Variants in LYST observed in about 807,000 individuals in gnomAD.
The protein encoded by LYST is lysosomal-trafficking regulator.
LYST carries 192 observed loss-of-function variants against 413.6 expected under a neutral mutation model. The observed-to-expected ratio is 0.46, with a 90% CI of 0.41 to 0.52. LYST has a LOEUF of 0.52. Among genes scored for constraint, LYST ranks in the 20% least tolerant of loss-of-function variants. LYST has a pLI of 0.00. For missense variants in LYST, 3,815 were observed against 4,499.9 expected, an observed-to-expected ratio of 0.85 and a Z score of 4.35; for synonymous variants, 1,525 against 1,567.3, an observed-to-expected ratio of 0.97 and a Z score of 0.64.
intron 1 of LYST, among the ~76,000 whole-genome samples, chr1:235,865,437 A>T (rs376127880): frequency 6.6e-6 from 1 of 152,360 alleles, no homozygotes; most frequent in East Asian, 1.9e-4. Flanking sequence ...TCCATGAAGG[A>T]GCAGATATTT....
At chr1:235,812,945 T>G (rs901907650) in intron 4 of LYST, 26 bp downstream of exon 4, 2 of 1,419,980 alleles carry the variant, frequency 1.4e-6, no homozygotes, top group Non-Finnish European at 1.0e-6. Flanking sequence ...ATAACACAAG[T>G]GATATGATAA....
Position 235,854,060 on chromosome 1 carries a change from T to C in LYST, c.-98+12783A>G, listed in dbSNP as rs1678883226. 6.6e-6 allele frequency among the ~76,000 whole-genome samples: 1 copy of C among 152,204 alleles called. No individual in the cohort carries two copies. Among genetic ancestry groups the C allele is most frequent in the African/African-American group, 2.4e-5 (1 of 41,444 alleles). On this transcript the variant is annotated intron_variant, in intron 1 of 52. Coordinates refer to ENST00000389793, the MANE Select transcript of LYST (RefSeq NM_000081.4). This position sits in a 1 kb window ranked among gnomAD's most constrained non-coding sequence, Gnocchi z 4.1. Reference sequence around the variant, plus strand: ...TCCCTGTTAGAAGGAATGTGCTAGATGTTTTACACTGACTACTACATCCCT... The same window carrying C: ...TCCCTGTTAGAAGGAATGTGCTAGACGTTTTACACTGACTACTACATCCCT...
intron 19 of LYST, among the ~76,000 whole-genome samples, chr1:235,770,679 C>T (rs886953676): frequency 1.3e-5 from 2 of 152,124 alleles, no homozygotes; most frequent in African/African-American, 2.4e-5. Context: ...CATTTCAATA[C>T]CAATCTGCAT....
At chr1:235,830,709 A>G (rs1036132693) in intron 2 of LYST, among the ~76,000 whole-genome samples, 1 of 152,192 alleles carries the variant, frequency 6.6e-6, no homozygotes, top group Admixed American at 6.5e-5. Flanking sequence ...TTTTTAAGAG[A>G]GAAGACTTTC....
chr1:235,874,923 G>C (rs1681074722), intron 1 of LYST, among the ~76,000 whole-genome samples: 1 of 152,146 alleles, frequency 6.6e-6, no homozygotes, highest in Admixed American at 6.5e-5. Context: ...GGACAGCAAG[G>C]GTGTTCCAAG....
chr1:235,737,914 C>CGATGGTTG lies in LYST; in HGVS notation c.8359-3256_8359-3255insCAACCATC. ...GCGAAGGTGCTGGAGCCGCTGCCGA[C>CGATGGTTG]GAGTCTGGATCTCACTGCCGCGTGC... On this transcript the variant is annotated intron_variant, in intron 31 of 52. Coordinates refer to ENST00000389793, the MANE Select transcript of LYST (RefSeq NM_000081.4). 23 of 1,160,800 alleles carry CGATGGTTG rather than the reference C, an allele frequency of 2.0e-5. No individual in the cohort carries two copies. In the Admixed American group the frequency reaches 2.2e-4, roughly 11 times the overall value. The allele number at this position is 1,160,800 out of a possible 1,614,324, so 71.9% of individuals were successfully genotyped here. A position where few individuals can be genotyped will look rare whatever the true frequency, so the allele number is the denominator to read the frequency against.
At chr1:235,676,600 ACCT>A (rs1324170171) in intron 50 of LYST, among the ~76,000 whole-genome samples, 1 of 152,222 alleles carries the variant, frequency 6.6e-6, no homozygotes, top group African/African-American at 2.4e-5. Flanking sequence ...TATGAAGCCT[ACCT>A]CCTCTGCTCG....
rs1411229085 is a variant in LYST at position 235,664,336 on chromosome 1, C to A, written c.11195+129G>T. ...AATAAAACAGGAATAACTAAAGAAC[C>A]TACACCCCAAGGTGAGTTTAAATCT... On this transcript the variant is annotated intron_variant, in intron 51 of 52. Transcript: ENST00000389793. The surrounding 1 kb of genome is among the most constrained non-coding windows in gnomAD (Gnocchi z 4.5). 4.7e-6 allele frequency: 4 copies of A among 853,850 alleles called. No individual in the cohort carries two copies. The highest frequency in any genetic ancestry group is 7.4e-6 in the Non-Finnish European group (4 of 543,686). The allele number at this position is 853,850 out of a possible 1,614,324, so 52.9% of individuals were successfully genotyped here. A position where few individuals can be genotyped will look rare whatever the true frequency, so the allele number is the denominator to read the frequency against.
chr1:235,801,045 A>G lies in LYST; in HGVS notation c.3765T>C (p.Asn1255=). The G allele has an allele frequency of 6.2e-7, 1 of 1,613,632 alleles. No individual in the cohort carries two copies. The change falls in exon 9 of 53, where the codon AAT becomes AAC. Residue 1255 remains asparagine, a synonymous_variant. Transcript: ENST00000389793. ...TEGFSASSSP[N]DLLENLTQGE... ...CTTGAGTGAGGTTTTCGAGTAAGTC[A>G]TTTGGACTGCTTGATGCACTGAAAC...
chr1:235,748,977 C>A (rs982973886), intron 28 of LYST, among the ~76,000 whole-genome samples: 10 of 151,248 alleles, frequency 6.6e-5, no homozygotes, highest in Admixed American at 2.6e-4. Flanking sequence ...CAGTAGTTTT[C>A]AACAAATGCT....
chr1:235,749,108 C>T lies in LYST; in HGVS notation c.7780+2102G>A, dbSNP rs182660860. 3.3e-5 allele frequency among the ~76,000 whole-genome samples: 5 copies of T among 152,248 alleles called. No individual in the cohort carries two copies. The East Asian group carries it at 7.7e-4, about 23-fold the overall frequency. On this transcript the variant is annotated intron_variant, in intron 28 of 52. Transcript: ENST00000389793. The stretch of plus-strand genomic sequence containing the variant: ...TGATAGACATGACAGAAATAGAAAT[C>T]CCTCTATGTCCCTTTAGTATCATGG...
At chr1:235,676,696 G>A (rs28419710) in intron 50 of LYST, among the ~76,000 whole-genome samples, 12,088 of 152,080 alleles carry the variant, frequency 0.079, 1,555 homozygotes, top group African/African-American at 0.27. Flanking sequence ...CAATTTTTCA[G>A]CTCAATTTGT....
chr1:235,756,318 C>T (rs1254494397), intron 24 of LYST, among the ~76,000 whole-genome samples: 1 of 152,114 alleles, frequency 6.6e-6, no homozygotes, highest in Non-Finnish European at 1.5e-5. Flanking sequence ...TATACTTTTT[C>T]CATGAATCCT....
At chr1:235,843,019 G>A (rs1677390735) in intron 1 of LYST, among the ~76,000 whole-genome samples, 1 of 152,038 alleles carries the variant, frequency 6.6e-6, no homozygotes, top group African/African-American at 2.4e-5. Context: ...TCATATAATG[G>A]CATTTTTAGA....
At chr1:235,833,273 T>C (rs1347569612) in intron 2 of LYST, among the ~76,000 whole-genome samples, 3 of 151,666 alleles carry the variant, frequency 2.0e-5, no homozygotes, top group Non-Finnish European at 4.4e-5. Flanking sequence ...TTAAATTTTT[T>C]CTAATATTTA....
At position 235,877,855 on chromosome 1, in the gene LYST, CAA is replaced by C. The variant is rs59783076; in HGVS notation, n.454+5330_454+5331del. Among the ~76,000 whole-genome samples, 49 of 113,470 alleles carry C rather than the reference CAA, an allele frequency of 4.3e-4. No homozygotes were observed. In the East Asian group the frequency reaches 4.9e-3, roughly 11 times the overall value. 74.4% of individuals were successfully genotyped at this position (113,470 alleles called of 152,430 possible). On this transcript the variant is annotated intron_variant and non_coding_transcript_variant, in intron 1 of 11. Coordinates refer to the LYST transcript ENST00000465349. Reference sequence around the variant, plus strand: ...GGAAGTATCTGACAATATCTGCCACCAAAAAAAAAAAAAAAAAAAATCTAAAA... The same window carrying C: ...GGAAGTATCTGACAATATCTGCCACCAAAAAAAAAAAAAAAAAATCTAAAA...
intron 3 of LYST, chr1:235,827,677 C>T: frequency 1.0e-6 from 1 of 983,164 alleles, no homozygotes; most frequent in Non-Finnish European, 1.2e-6. Context: ...GGCACATCTA[C>T]TGTTCCTACT....
intron 50 of LYST, among the ~76,000 whole-genome samples, chr1:235,665,524 A>C (rs1289737184): frequency 1.3e-5 from 2 of 151,436 alleles, no homozygotes; most frequent in African/African-American, 4.9e-5. Flanking sequence ...AGGCAGAAGA[A>C]TCACTTGAAC....
intron 5 of LYST, among the ~76,000 whole-genome samples, chr1:235,807,590 T>A (rs1164469809): frequency 6.6e-6 from 1 of 152,294 alleles, no homozygotes; most frequent in African/African-American, 2.4e-5. Context: ...TGTGCTAAGA[T>A]TGACCAAAAA....
Sources: allele counts gnomAD v4.1 joint callset (sites outside exome capture counted in the v4.1 genomes callset), GRCh38; gene constraint gnomAD v4.1.1; non-coding constraint Gnocchi (gnomAD v3.1); transcripts MANE v1.5; gene names NCBI Gene and HGNC (gene_info 2026-07-23, HGNC 2026-07-21).